The following SLX9 variants were observed in gnomAD, a reference collection of about 807,000 sequenced individuals.
The protein encoded by SLX9 is SLX9 ribosome biogenesis factor, also known as ribosome biogenesis protein SLX9 homolog.
In SLX9, 19 loss-of-function variants were observed where a neutral mutation model predicts 20.8. The ratio of observed to expected loss-of-function variants is 0.91; its 90% CI spans 0.64 to 1.34. The LOEUF is 1.34. SLX9 is among the 40% of genes most tolerant of loss of function. The probability of loss-of-function intolerance (pLI) is 0.00; values close to 1 mark genes in which losing one functional copy is unlikely to be tolerated. For missense variants in SLX9, 299 were observed against 322.2 expected, an observed-to-expected ratio of 0.93 and a Z score of 0.55; for synonymous variants, 113 against 137.1, an observed-to-expected ratio of 0.82 and a Z score of 1.23.
At chr21:44,971,782 T>G (rs1008613393) in intron 4 of SLX9, among the ~76,000 whole-genome samples, 98 of 151,500 alleles carry the variant, frequency 6.5e-4, no homozygotes, top group African/African-American at 2.3e-3. Context: ...TGCTCAGGGG[T>G]GGACACAGGG....
In SLX9 at chr21:44,940,088, G is replaced by T; in HGVS notation, c.31G>T (p.Val11Leu). 6.9e-7 allele frequency: 1 copy of T among 1,458,144 alleles called. No homozygotes were observed. Among genetic ancestry groups the T allele is most frequent in the African/African-American group, 1.5e-5 (1 of 68,030 alleles). 90.3% of individuals were successfully genotyped at this position (1,458,144 alleles called of 1,614,324 possible). A position where few individuals can be genotyped will look rare whatever the true frequency, so the allele number is the denominator to read the frequency against. ...GAAAGTGAGGGGGTTGCGCGCCCGA[G>T]TGCACCAGGCTGCCGTGAGGCCGAA... MGKVRGLRAR[V>L]HQAAVRPKGE... Residue 11 changes from valine to leucine, a missense_variant, in exon 1 of 6, where the codon GTG (valine) becomes TTG (leucine). Physicochemically the swap from Val to Leu is conservative, Grantham distance 32. Transcript: ENST00000291634.
intron 5 of SLX9, among the ~76,000 whole-genome samples, chr21:44,975,957 G>A (rs4819001): frequency 0.014 from 2,171 of 152,370 alleles, 114 homozygotes; most frequent in Admixed American, 0.1. Flanking sequence ...ACAAGGCTCC[G>A]TGCACACGGG....
rs1055033248 is a variant in SLX9, at chr21:44,948,957, G to A, written c.283+5120G>A. On this transcript the variant is annotated intron_variant, in intron 2 of 5. Transcript: ENST00000291634. ...CAGCGCCAAGCCACCCTCAGCCCCCGCCTTGGCTTCCTCCCAGAGCTTGTT... is the reference window on the plus strand; with the variant it reads ...CAGCGCCAAGCCACCCTCAGCCCCCACCTTGGCTTCCTCCCAGAGCTTGTT... Among the ~76,000 whole-genome samples, 6 of 152,192 alleles carry A rather than the reference G, an allele frequency of 3.9e-5. 1 individual carries two copies. The highest frequency in any genetic ancestry group is 8.8e-5 in the Non-Finnish European group (6 of 68,032).
intron 2 of SLX9, among the ~76,000 whole-genome samples, chr21:44,955,330 G>T (rs916929693): frequency 2.0e-5 from 3 of 152,116 alleles, no homozygotes; most frequent in Non-Finnish European, 2.9e-5. Context: ...TGCTGGGCAC[G>T]TGCACCACCC....
Position 44,973,244 on chromosome 21 carries a change from C to G in SLX9, c.548C>G (p.Ala183Gly), listed in dbSNP as rs1322039413. The G allele has an allele frequency of 6.2e-7, 1 of 1,612,712 alleles. No homozygotes were observed. Among genetic ancestry groups the G allele is most frequent in the Non-Finnish European group, 8.5e-7 (1 of 1,179,740 alleles). Reference protein sequence around the residue: ...PRPSELSRMSAAQRQQLLEEE... With the variant: ...PRPSELSRMSGAQRQQLLEEE... ...CCCTCAGAGCTCAGCCGGATGAGCG[C>G]AGCCCAGAGACAGCAGCTTCTGTGA... Residue 183 changes from alanine to glycine, a missense_variant, in exon 5 of 6, where the codon GCA becomes GGA. Physicochemically the swap from Ala to Gly is moderately conservative, Grantham distance 60. Coordinates refer to ENST00000291634, the MANE Select transcript of SLX9 (RefSeq NM_058190.4).
Position 44,975,844 on chromosome 21 carries a change from T to A in SLX9, c.570-836T>A, listed in dbSNP as rs565634514. On this transcript the variant is annotated intron_variant, in intron 5 of 5. Coordinates refer to ENST00000291634, the MANE Select transcript of SLX9 (RefSeq NM_058190.4). ...ACGGCCCCAGCCCCACTGTCCTCTGTGGCTCTGGTGTGTGGGCACCCCGCC... is the reference window on the plus strand; with the variant it reads ...ACGGCCCCAGCCCCACTGTCCTCTGAGGCTCTGGTGTGTGGGCACCCCGCC... 3.9e-5 allele frequency among the ~76,000 whole-genome samples: 6 copies of A among 152,378 alleles called. No individual in the cohort carries two copies. The South Asian group carries it at 1.2e-3, about 32-fold the overall frequency.
intron 1 of SLX9, 79 bp from the exon 2 acceptor site, chr21:44,943,605 C>T: frequency 6.4e-7 from 1 of 1,564,148 alleles, no homozygotes; most frequent in Non-Finnish European, 8.7e-7. Flanking sequence ...GCATCTTCTC[C>T]TCACCTTTAA....
At chr21:44,949,185 C>T (rs1256446661) in intron 2 of SLX9, among the ~76,000 whole-genome samples, 5 of 152,200 alleles carry the variant, frequency 3.3e-5, no homozygotes, top group African/African-American at 1.2e-4. Context: ...TCCCGAGCCC[C>T]GACTTGGCTG....
At chr21:44,943,959 G>GGCATCCCTTGCTCA in intron 2 of SLX9, 122 bp downstream of exon 2, 1 of 1,375,890 alleles carries the variant, frequency 7.3e-7, no homozygotes, top group Non-Finnish European at 1.0e-6. Flanking sequence ...TTGAGCAAGG[G>GGCATCCCTTGCTCA]ATGCCCCTGG....
At chr21:44,944,835 C>T (rs2084613802) in intron 2 of SLX9, among the ~76,000 whole-genome samples, 1 of 152,248 alleles carries the variant, frequency 6.6e-6, no homozygotes, top group African/African-American at 2.4e-5. Flanking sequence ...CTGGTAGCCT[C>T]TGGCTGGACA....
chr21:44,975,312 C>T (rs777043608), intron 5 of SLX9, among the ~76,000 whole-genome samples: 33 of 152,276 alleles, frequency 2.2e-4, no homozygotes, highest in Middle Eastern at 6.8e-3. Context: ...CCCCTGAGTA[C>T]GAAACCAAGG....
intron 2 of SLX9, among the ~76,000 whole-genome samples, chr21:44,959,527 C>T (rs573149883): frequency 1.4e-4 from 21 of 152,304 alleles, no homozygotes; most frequent in African/African-American, 3.4e-4. Flanking sequence ...CTGGGCTCCG[C>T]GTGGACCAAG....
intron 4 of SLX9, chr21:44,969,299 A>G (rs1385073223): frequency 2.3e-6 from 1 of 435,054 alleles, no homozygotes; most frequent in Non-Finnish European, 4.9e-6. Context: ...ATGACCGAAC[A>G]TTCCTGGTTC....
At chr21:44,943,153 G>A (rs752407566) in intron 1 of SLX9, among the ~76,000 whole-genome samples, 5 of 152,148 alleles carry the variant, frequency 3.3e-5, no homozygotes, top group Non-Finnish European at 7.3e-5. Flanking sequence ...GTCTCCTCAC[G>A]GTTTGGTCGG....
At chr21:44,973,127 A>G in intron 4 of SLX9, 70 bp from the exon 5 acceptor site, 1 of 1,566,076 alleles carries the variant, frequency 6.4e-7, no homozygotes, top group Middle Eastern at 1.7e-4. Context: ...GGGAGGAGCC[A>G]GCCTCTGCCC....
intron 3 of SLX9, among the ~76,000 whole-genome samples, chr21:44,961,177 T>C (rs2084943920): frequency 6.6e-6 from 1 of 152,236 alleles, no homozygotes; most frequent in African/African-American, 2.4e-5. Context: ...ATTTGGACCC[T>C]GATTTTCTAG....
At chr21:44,951,808 G>A (rs751944456) in intron 2 of SLX9, among the ~76,000 whole-genome samples, 6 of 152,108 alleles carry the variant, frequency 3.9e-5, no homozygotes, top group Non-Finnish European at 8.8e-5. Flanking sequence ...TCTCAGGAAA[G>A]GCCCTTAGCT....
At chr21:44,954,765 G>A (rs1203402813) in intron 2 of SLX9, among the ~76,000 whole-genome samples, 2 of 152,228 alleles carry the variant, frequency 1.3e-5, no homozygotes, top group Non-Finnish European at 2.9e-5. Flanking sequence ...CCTCGGCGGG[G>A]GGTGTCTGCC....
chr21:44,974,483 C>G (rs1054325209), intron 5 of SLX9, among the ~76,000 whole-genome samples: 9 of 152,176 alleles, frequency 5.9e-5, no homozygotes, highest in African/African-American at 1.7e-4. Context: ...GTTCTCTAAT[C>G]CATTTTTACT....
Sources: gnomAD v4.1 joint callset for allele counts (sites outside exome capture counted in the v4.1 genomes callset) on GRCh38, gnomAD v4.1.1 for gene constraint, MANE v1.5 for transcripts, NCBI Gene and HGNC (gene_info 2026-07-23, HGNC 2026-07-21) for gene names.